Variants in SAMD7 observed in about 807,000 individuals in gnomAD.
SAMD7 encodes sterile alpha motif domain containing 7.
Under a neutral mutation model 36.7 loss-of-function variants are expected in SAMD7, and 34 were observed. The ratio of observed to expected loss-of-function variants is 0.93; its 90% CI spans 0.71 to 1.23. SAMD7 has a LOEUF of 1.23. Ranked by LOEUF, SAMD7 falls within the 50% of genes most tolerant of loss-of-function variation. The probability of loss-of-function intolerance (pLI) is 0.00; values close to 1 mark genes in which losing one functional copy is unlikely to be tolerated. For missense variants in SAMD7, 570 were observed against 546.6 expected (o/e 1.04, Z -0.43); for synonymous variants, 188 against 189.7 (o/e 0.99, Z 0.07).
chr3:169,919,177 C>T (rs139669770), intron 2 of SAMD7, among the ~76,000 whole-genome samples: 25 of 152,124 alleles, frequency 1.6e-4, no homozygotes, highest in African/African-American at 5.5e-4. Flanking sequence ...AAAGAAAGGA[C>T]GTTGGTATTT....
chr3:169,932,264 C>A (rs889260446), intron 7 of SAMD7: 27 of 835,840 alleles, frequency 3.2e-5, no homozygotes, highest in Non-Finnish European at 2.8e-5. Flanking sequence ...GAGCTGGGGG[C>A]AATCATGCAT....
At chr3:169,925,413 T>C (rs562156568) in intron 5 of SAMD7, among the ~76,000 whole-genome samples, 1 of 150,896 alleles carries the variant, frequency 6.6e-6, no homozygotes, top group African/African-American at 2.4e-5. Flanking sequence ...GTATGCAGGT[T>C]GGTTAAGGAT....
At position 169,926,743 on chromosome 3, in the gene SAMD7, C is replaced by T. The variant is rs1286376778; in HGVS notation, c.481C>T (p.Gln161Ter). 1.9e-6 allele frequency: 3 copies of T among 1,613,858 alleles called. No individual in the cohort carries two copies. Among genetic ancestry groups the T allele is most frequent in the Non-Finnish European group, 2.5e-6 (3 of 1,179,998 alleles). ...HFHRSTLRNL[Q>*]GNPMLAATAP... Reference sequence around the variant, plus strand: ...TCACAGAAGCACCCTCAGAAACCTTCAGGGAAACCCCATGCTAGCGGCAAC... The same window carrying T: ...TCACAGAAGCACCCTCAGAAACCTTTAGGGAAACCCCATGCTAGCGGCAAC... The change falls in exon 6 of 9, where the codon CAG becomes TAG. Residue 161 changes from glutamine (Q) to a stop codon, truncating the protein, a stop_gained. Transcript: ENST00000335556. LOFTEE classifies it high-confidence loss of function.
Position 169,938,545 on chromosome 3 carries a change from C to T in SAMD7, c.*39C>T, listed in dbSNP as rs1250187532. On this transcript the variant is annotated 3_prime_UTR_variant, in exon 9 of 9. Transcript: ENST00000335556. ...GGAAGAATAGTCTTAGCCAGTTTTC[C>T]AAAGAGCCTAGGATATTACAAAGGA... The T allele has an allele frequency of 7.6e-7, 1 of 1,322,974 alleles. No individual in the cohort carries two copies. The highest frequency in any genetic ancestry group is 1.9e-5 in the Admixed American group (1 of 51,818). The allele number at this position is 1,322,974 out of a possible 1,614,324, so 82.0% of individuals were successfully genotyped here. A position where few individuals can be genotyped will look rare whatever the true frequency, so the allele number is the denominator to read the frequency against.
intron 3 of SAMD7, among the ~76,000 whole-genome samples, chr3:169,919,875 T>C (rs1712973986): frequency 6.6e-6 from 1 of 152,176 alleles, no homozygotes; most frequent in African/African-American, 2.4e-5. Flanking sequence ...AGGGCTGCCA[T>C]AATAAAATAC....
intron 3 of SAMD7, among the ~76,000 whole-genome samples, chr3:169,920,373 C>A (rs1477390603): frequency 6.6e-6 from 1 of 152,128 alleles, no homozygotes; most frequent in African/African-American, 2.4e-5. Context: ...CCTAGTTTGC[C>A]TTTGCAGAAA....
At chr3:169,929,356 G>GC (rs1486554859) in intron 7 of SAMD7, among the ~76,000 whole-genome samples, 5 of 151,606 alleles carry the variant, frequency 3.3e-5, no homozygotes, top group Admixed American at 3.3e-4. Context: ...GGAAAAGAAA[G>GC]CAAGAAAAGG....
At chr3:169,932,445 G>T in intron 7 of SAMD7, 1 of 611,074 alleles carries the variant, frequency 1.6e-6, no homozygotes, top group South Asian at 1.4e-5. Context: ...ACACAATGCG[G>T]AGGTAGCAGC....
intron 7 of SAMD7, chr3:169,933,065 CT>C: frequency 1.1e-6 from 1 of 899,824 alleles, no homozygotes; most frequent in Non-Finnish European, 1.9e-6. Context: ...TGAAGTCTAC[CT>C]TAAAATCTGC....
intron 2 of SAMD7, among the ~76,000 whole-genome samples, chr3:169,917,441 T>C (rs1019566675): frequency 3.9e-5 from 6 of 152,010 alleles, no homozygotes; most frequent in Non-Finnish European, 8.8e-5. Flanking sequence ...TATTTTTAAT[T>C]TTTAATTTTC....
intron 7 of SAMD7, among the ~76,000 whole-genome samples, chr3:169,930,357 C>A (rs558031648): frequency 9.2e-5 from 14 of 152,076 alleles, no homozygotes; most frequent in Non-Finnish European, 1.2e-4. Flanking sequence ...AAAGTATACT[C>A]CCTCCAAGTG....
At chr3:169,924,956 T>A (rs1320556303) in intron 4 of SAMD7, 102 bp from the exon 5 acceptor site, 2 of 766,470 alleles carry the variant, frequency 2.6e-6, no homozygotes, top group Non-Finnish European at 2.1e-6. Flanking sequence ...TTTGTTTTTT[T>A]TTTTTCAGAT....
chr3:169,927,246 A>G, intron 6 of SAMD7, 65 bp downstream of exon 6: 9 of 1,131,920 alleles, frequency 8.0e-6, no homozygotes, highest in Non-Finnish European at 1.1e-5. Context: ...GTAGGTTACT[A>G]CATAATAAAC....
At chr3:169,922,292 G>C (rs1713076573) in intron 4 of SAMD7, among the ~76,000 whole-genome samples, 1 of 152,076 alleles carries the variant, frequency 6.6e-6, no homozygotes, top group African/African-American at 2.4e-5. Flanking sequence ...AGATAGAAGA[G>C]GTAAAAGGAG....
rs1713302355 is a variant in SAMD7, at chr3:169,927,135, T to A, written c.873T>A (p.Asp291Glu). Reference protein sequence around the residue: ...EASEQIFATCDEKNGVCPPVP... With the variant: ...EASEQIFATCEEKNGVCPPVP... ...CGGAGCAGATTTTTGCAACCTGTGA[T>A]GAAAAGAATGGGGTTTGCCCTCCAG... Residue 291 changes from aspartate to glutamate, a missense_variant, in exon 6 of 9, where the codon GAT becomes GAA. Coordinates refer to ENST00000335556, the MANE Select transcript of SAMD7 (RefSeq NM_001304366.2). The A allele has an allele frequency of 1.9e-6, 3 of 1,565,128 alleles. No homozygotes were observed. The East Asian group carries it at 6.7e-5, about 35-fold the overall frequency.
At chr3:169,934,676 A>G (rs571541239) in intron 7 of SAMD7, among the ~76,000 whole-genome samples, 1 of 152,222 alleles carries the variant, frequency 6.6e-6, no homozygotes, top group Admixed American at 6.5e-5. Flanking sequence ...TCACAGCACA[A>G]TGAAAACTAT....
chr3:169,927,007 G>A lies in SAMD7; in HGVS notation c.745G>A (p.Ala249Thr). The A allele has an allele frequency of 6.2e-7, 1 of 1,613,886 alleles. No homozygotes were observed. Among genetic ancestry groups the A allele is most frequent in the Non-Finnish European group, 8.5e-7 (1 of 1,179,970 alleles). ...ETNEKPTTAL[A>T]NTCGELEPTH... Reference sequence around the variant, plus strand: ...GAATGAAAAGCCAACGACAGCTCTTGCCAACACCTGTGGAGAGCTCGAGCC... The same window carrying A: ...GAATGAAAAGCCAACGACAGCTCTTACCAACACCTGTGGAGAGCTCGAGCC... Residue 249 changes from alanine to threonine, a missense_variant, in exon 6 of 9, where the codon GCC (alanine) becomes ACC (threonine). Transcript: ENST00000335556.
At chr3:169,933,750 G>C (rs1187157676) in intron 7 of SAMD7, among the ~76,000 whole-genome samples, 1 of 152,246 alleles carries the variant, frequency 6.6e-6, no homozygotes, top group East Asian at 1.9e-4. Context: ...GGAGCACAGA[G>C]TGGAAACAAG....
At chr3:169,921,365 A>G (rs1210736104) in intron 4 of SAMD7, 27 bp downstream of exon 4, 9 of 1,606,990 alleles carry the variant, frequency 5.6e-6, no homozygotes, top group Middle Eastern at 1.7e-4. Flanking sequence ...TTTGGCTCTC[A>G]TCTGTGGAGT....
Sources: allele counts gnomAD v4.1 joint callset (sites outside exome capture counted in the v4.1 genomes callset), GRCh38; gene constraint gnomAD v4.1.1; transcripts MANE v1.5; gene names NCBI Gene and HGNC (gene_info 2026-07-23, HGNC 2026-07-21).